GRID2: variants seen among roughly 807,000 people sequenced by gnomAD.
The protein encoded by GRID2 is glutamate receptor ionotropic, delta-2.
In GRID2, 33 loss-of-function variants were observed where a neutral mutation model predicts 114.8. The ratio of observed to expected loss-of-function variants is 0.29; its 90% CI spans 0.22 to 0.38. GRID2 has a LOEUF of 0.38. GRID2 is among the 10% of genes least tolerant of loss of function. The probability of loss-of-function intolerance (pLI) is 1.00; values close to 1 mark genes in which losing one functional copy is unlikely to be tolerated. For missense variants in GRID2, 1,184 were observed against 1,257.7 expected (o/e 0.94, Z 0.89); for synonymous variants, 505 against 449.9 (o/e 1.12, Z -1.55).
chr4:93,315,722 C>A (rs1756508346), intron 8 of GRID2, among the ~76,000 whole-genome samples: 1 of 152,062 alleles, frequency 6.6e-6, no homozygotes, highest in Admixed American at 6.6e-5. Flanking sequence ...AAACTATGAA[C>A]TATCTTTTTA....
At chr4:92,649,370 G>T (rs1017062506) in intron 2 of GRID2, among the ~76,000 whole-genome samples, 1 of 150,538 alleles carries the variant, frequency 6.6e-6, no homozygotes, top group Non-Finnish European at 1.5e-5. Flanking sequence ...AGAACCATGA[G>T]CTCTGATGCC....
chr4:92,995,377 T>C (rs1489299104), intron 2 of GRID2, among the ~76,000 whole-genome samples: 2 of 152,196 alleles, frequency 1.3e-5, no homozygotes, highest in Non-Finnish European at 2.9e-5. Flanking sequence ...ATATTGCACA[T>C]TGGCCACTGG....
At chr4:93,308,622 C>T (rs1440228198) in intron 8 of GRID2, among the ~76,000 whole-genome samples, 1 of 152,082 alleles carries the variant, frequency 6.6e-6, no homozygotes, top group African/African-American at 2.4e-5. Context: ...AATAACTCTA[C>T]ATAATGGAGA....
At chr4:93,134,580 T>G (rs1461644715) in intron 4 of GRID2, among the ~76,000 whole-genome samples, 1 of 152,194 alleles carries the variant, frequency 6.6e-6, no homozygotes, top group Non-Finnish European at 1.5e-5. Flanking sequence ...TGAATTTCTG[T>G]GGTGTTTTCA....
intron 2 of GRID2, among the ~76,000 whole-genome samples, chr4:92,620,159 TTGAA>T (rs1351227167): frequency 6.6e-6 from 1 of 151,710 alleles, no homozygotes; most frequent in Non-Finnish European, 1.5e-5. Context: ...GTAAAAGATT[TTGAA>T]TGTGAAACTA....
chr4:93,497,086 G>A (rs1317813748), intron 12 of GRID2, among the ~76,000 whole-genome samples: 1 of 151,480 alleles, frequency 6.6e-6, no homozygotes, highest in Non-Finnish European at 1.5e-5. Context: ...TAGGTATGTG[G>A]TGATGTCTCA....
At chr4:93,244,897 A>G (rs2149522195) in intron 8 of GRID2, among the ~76,000 whole-genome samples, 1 of 151,756 alleles carries the variant, frequency 6.6e-6, no homozygotes, top group South Asian at 2.1e-4. Context: ...CTTTTTGCAA[A>G]CTGATATTAT....
chr4:92,908,584 G>T (rs948717104), intron 2 of GRID2, among the ~76,000 whole-genome samples: 14 of 138,022 alleles, frequency 1.0e-4, no homozygotes, highest in African/African-American at 1.9e-4. Context: ...AAAAAAAGCA[G>T]CCATTACTAA....
intron 14 of GRID2, among the ~76,000 whole-genome samples, chr4:93,754,516 C>T (rs1020361425): frequency 2.6e-4 from 39 of 152,086 alleles, no homozygotes; most frequent in African/African-American, 7.5e-4. Context: ...AATCAGTATA[C>T]TTTTATCAAA....
chr4:93,018,344 G>A (rs1245066106), intron 2 of GRID2, among the ~76,000 whole-genome samples: 1 of 151,848 alleles, frequency 6.6e-6, no homozygotes, highest in Non-Finnish European at 1.5e-5. Flanking sequence ...CACCATAACA[G>A]TGTCATTACT....
intron 4 of GRID2, among the ~76,000 whole-genome samples, chr4:93,146,764 G>A (rs1579115021): frequency 6.6e-6 from 1 of 151,938 alleles, no homozygotes; most frequent in African/African-American, 2.4e-5. Context: ...AAAATGTTTT[G>A]TAATGCTTGT....
chr4:92,741,964 G>A (rs1348177039), intron 2 of GRID2, among the ~76,000 whole-genome samples: 1 of 152,120 alleles, frequency 6.6e-6, no homozygotes, highest in South Asian at 2.1e-4. Context: ...GGCTCGAAAT[G>A]TTTGTGTGTA....
At chr4:92,709,716 A>T (rs916119476) in intron 2 of GRID2, among the ~76,000 whole-genome samples, 1 of 151,794 alleles carries the variant, frequency 6.6e-6, no homozygotes, top group Non-Finnish European at 1.5e-5. Flanking sequence ...CTTAAGACAT[A>T]AGCTTAGCAA....
chr4:93,610,904 T>A lies in GRID2; in HGVS notation c.2194-15365T>A, dbSNP rs566746669. 7.8e-5 allele frequency among the ~76,000 whole-genome samples: 11 copies of A among 140,360 alleles called. 3 individuals are homozygous for A. The highest frequency in any genetic ancestry group is 1.2e-4 in the Non-Finnish European group (8 of 65,648). The allele number at this position is 140,360 out of a possible 152,430, so 92.1% of individuals were successfully genotyped here. The stretch of plus-strand genomic sequence containing the variant: ...AGAAGGAATGGTACCAGTTCCTCCT[T>A]GTACTTCCGGTAGAATTTGGCTGTG... On this transcript the variant is annotated intron_variant, in intron 13 of 15. Transcript: ENST00000282020.
At chr4:92,661,257 A>T (rs1211082925) in intron 2 of GRID2, among the ~76,000 whole-genome samples, 1 of 151,064 alleles carries the variant, frequency 6.6e-6, no homozygotes, top group Non-Finnish European at 1.5e-5. Context: ...GACAAAAGTT[A>T]TATCTAATTA....
chr4:93,415,588 G>C (rs10012194), intron 9 of GRID2, among the ~76,000 whole-genome samples: 31,862 of 151,822 alleles, frequency 0.21, 4,939 homozygotes, highest in African/African-American at 0.44. Flanking sequence ...TATTGTAATT[G>C]CCTAATGTGT....
intron 8 of GRID2, among the ~76,000 whole-genome samples, chr4:93,388,788 A>T (rs1252536648): frequency 1.3e-5 from 2 of 152,206 alleles, no homozygotes; most frequent in Non-Finnish European, 2.9e-5. Context: ...TAGATTCAGG[A>T]GACATTTTTA....
chr4:93,775,099 C>T (rs1300382845), downstream of GRID2, among the ~76,000 whole-genome samples: 1 of 149,560 alleles, frequency 6.7e-6, no homozygotes, highest in Non-Finnish European at 1.5e-5. Context: ...TTTAACACAC[C>T]TAAGGGATAT....
In GRID2 at chr4:93,217,608, G is replaced by C. The variant is rs534890558; in HGVS notation, c.963+697G>C. Reference sequence around the variant, plus strand: ...ATCTCAATATGTCAATCTGAAGGGGGTGTTACACAAAGCAGGCACACAGGA... The same window carrying C: ...ATCTCAATATGTCAATCTGAAGGGGCTGTTACACAAAGCAGGCACACAGGA... On this transcript the variant is annotated intron_variant, in intron 6 of 15. Coordinates refer to ENST00000282020, the MANE Select transcript of GRID2 (RefSeq NM_001510.4). Among the ~76,000 whole-genome samples, 8 of 151,704 alleles carry C rather than the reference G, an allele frequency of 5.3e-5. No individual in the cohort carries two copies. In the South Asian group the frequency reaches 8.3e-4, roughly 16 times the overall value.
Sources: allele counts gnomAD v4.1 joint callset (sites outside exome capture counted in the v4.1 genomes callset), GRCh38; gene constraint gnomAD v4.1.1; transcripts MANE v1.5; gene names NCBI Gene and HGNC (gene_info 2026-07-23, HGNC 2026-07-21).